The following PNLIPRP3 variants were observed in gnomAD, a reference collection of about 807,000 sequenced individuals.
PNLIPRP3 encodes pancreatic lipase-related protein 3.
PNLIPRP3 carries 58 observed loss-of-function variants against 52.8 expected under a neutral mutation model. The ratio of observed to expected loss-of-function variants is 1.10; its 90% CI spans 0.89 to 1.37. The LOEUF (loss-of-function observed/expected upper bound fraction) is 1.37, where lower values mean the gene tolerates loss of function less well. Ranked by LOEUF, PNLIPRP3 falls within the 40% of genes most tolerant of loss-of-function variation. The probability of loss-of-function intolerance (pLI) is 0.00; values close to 1 mark genes in which losing one functional copy is unlikely to be tolerated. For synonymous variants in PNLIPRP3, 192 were observed against 185.0 expected, an observed-to-expected ratio of 1.04 and a Z score of -0.31; for missense variants, 593 against 561.6, an observed-to-expected ratio of 1.06 and a Z score of -0.57.
chr10:116,469,201 G>A lies in PNLIPRP3; in HGVS notation c.944G>A (p.Cys315Tyr), dbSNP rs554228981. ...TSFKAGNCFF[C>Y]SKEGCPTMGH... ...TGTCATCAGGGAAATTGCTTCTTTTGTTCCAAAGAAGGTTGCCCAACAATG... is the reference window on the plus strand; with the variant it reads ...TGTCATCAGGGAAATTGCTTCTTTTATTCCAAAGAAGGTTGCCCAACAATG... Residue 315 changes from cysteine (C) to tyrosine (Y), a missense_variant, in exon 9 of 12, where the codon TGT becomes TAT. Coordinates refer to ENST00000369230, the MANE Select transcript of PNLIPRP3 (RefSeq NM_001011709.3). 1 of 1,610,476 alleles carries A rather than the reference G, an allele frequency of 6.2e-7. No individual in the cohort carries two copies. The highest frequency in any genetic ancestry group is 1.3e-5 in the African/African-American group (1 of 74,820).
chr10:116,433,164 C>T (rs1313223087), intron 1 of PNLIPRP3, among the ~76,000 whole-genome samples: 2 of 113,970 alleles, frequency 1.8e-5, no homozygotes, highest in Non-Finnish European at 3.7e-5. Context: ...AGTGAGGAAG[C>T]CTTTTCCAAA....
chr10:116,444,610 G>T (rs1845916763), intron 4 of PNLIPRP3, 97 bp downstream of exon 4: 1 of 1,208,182 alleles, frequency 8.3e-7, no homozygotes, highest in African/African-American at 1.5e-5. Flanking sequence ...TATTAGCTTA[G>T]ACAGGTACTG....
intron 5 of PNLIPRP3, among the ~76,000 whole-genome samples, chr10:116,458,247 G>A (rs571645137): frequency 3.3e-5 from 5 of 152,110 alleles, no homozygotes; most frequent in Middle Eastern, 3.4e-3. Flanking sequence ...TGACACACAC[G>A]TACCAAAATA....
chr10:116,439,692 A>G, intron 2 of PNLIPRP3: 1 of 768,450 alleles, frequency 1.3e-6, no homozygotes, highest in Non-Finnish European at 2.4e-6. Flanking sequence ...CGTCTCCAAT[A>G]GAGAAGCCAG....
intron 1 of PNLIPRP3, among the ~76,000 whole-genome samples, chr10:116,435,948 A>G (rs1323494083): frequency 2.6e-5 from 4 of 152,228 alleles, no homozygotes; most frequent in Admixed American, 6.5e-5. Flanking sequence ...TATATTTACT[A>G]CAAAATTATA....
In PNLIPRP3 at chr10:116,477,260, T is replaced by C. The variant is rs1189655260; in HGVS notation, c.*107T>C. On this transcript the variant is annotated 3_prime_UTR_variant, in exon 12 of 12. Transcript: ENST00000369230. ...TTGACCCTTGTAAATGACTTAGTCA[T>C]TTACAAGGGTCTTACTCAGAGTCAA... The C allele has an allele frequency of 1.2e-6, 1 of 839,742 alleles. No homozygotes were observed. Among genetic ancestry groups the C allele is most frequent in the Non-Finnish European group, 1.9e-6 (1 of 534,314 alleles). 52.0% of individuals were successfully genotyped at this position (839,742 alleles called of 1,614,324 possible).
At position 116,452,802 on chromosome 10, in the gene PNLIPRP3, T is replaced by G. The variant is rs148434711; in HGVS notation, c.457-2920T>G. Among the ~76,000 whole-genome samples the G allele has an allele frequency of 8.4e-3, 1,273 of 152,314 alleles. 23 individuals carry two copies. The highest frequency in any genetic ancestry group is 0.029 in the African/African-American group (1,216 of 41,560). ...CAGCTTCCACCTAGATTTCAGAGGA[T>G]GTATAGATAAGTCTGTGTGCCCAGG... On this transcript the variant is annotated intron_variant, in intron 4 of 11. Coordinates refer to ENST00000369230, the MANE Select transcript of PNLIPRP3 (RefSeq NM_001011709.3).
Position 116,469,259 on chromosome 10 carries a change from T to C in PNLIPRP3, c.1002T>C (p.Asn334=). The C allele has an allele frequency of 3.7e-6, 6 of 1,612,110 alleles. No individual in the cohort carries two copies. The highest frequency in any genetic ancestry group is 5.1e-6 in the Non-Finnish European group (6 of 1,179,172). The change falls in exon 9 of 12, where the codon AAT becomes AAC. Residue 334 remains asparagine, a synonymous_variant. Transcript: ENST00000369230. ...GHFADRFHFK[N]MKTNGSHYFL... ...TTGCTGATAGATTTCACTTCAAAAATATGAAGACTAATGGATCACATTATT... is the reference window on the plus strand; with the variant it reads ...TTGCTGATAGATTTCACTTCAAAAACATGAAGACTAATGGATCACATTATT...
At chr10:116,436,353 A>T (rs977450424) in intron 1 of PNLIPRP3, among the ~76,000 whole-genome samples, 1 of 152,232 alleles carries the variant, frequency 6.6e-6, no homozygotes, top group South Asian at 2.1e-4. Flanking sequence ...TTAACTTGGA[A>T]TAAAGACTTA....
At chr10:116,460,944 G>A (rs1846182320) in intron 5 of PNLIPRP3, 22 bp from the exon 6 acceptor site, 3 of 1,610,004 alleles carry the variant, frequency 1.9e-6, no homozygotes, top group Non-Finnish European at 2.5e-6. Context: ...CATAGAACAT[G>A]TCTTGGTTGT....
rs113138766 is a variant in PNLIPRP3 at position 116,434,150 on chromosome 10, A to G, written c.50-2561A>G. On this transcript the variant is annotated intron_variant, in intron 1 of 11. Transcript: ENST00000369230. ...AAACCAGACTGGGCATCATTTGGTAAAGAAGTACTCTTTCTCTCCTTTTGT... is the reference window on the plus strand; with the variant it reads ...AAACCAGACTGGGCATCATTTGGTAGAGAAGTACTCTTTCTCTCCTTTTGT... Among the ~76,000 whole-genome samples, 1,295 of 152,312 alleles carry G rather than the reference A, an allele frequency of 8.5e-3. 8 individuals are homozygous for G. Among genetic ancestry groups the G allele is most frequent in the Non-Finnish European group, 0.012 (842 of 68,022 alleles).
intron 10 of PNLIPRP3, among the ~76,000 whole-genome samples, chr10:116,474,010 G>C (rs927235321): frequency 6.7e-5 from 9 of 134,402 alleles, no homozygotes; most frequent in Non-Finnish European, 1.4e-4. Flanking sequence ...AAAGAACAAA[G>C]CTGGAGGCAT....
rs754945644 is a variant in PNLIPRP3 at position 116,469,241 on chromosome 10, T to C, written c.984T>C (p.Asp328=). 5.6e-6 allele frequency: 9 copies of C among 1,612,530 alleles called. No individual in the cohort carries two copies. The highest frequency in any genetic ancestry group is 4.5e-5 in the East Asian group (2 of 44,792). The change falls in exon 9 of 12, where the codon GAT becomes GAC. Residue 328 remains aspartate (D), a synonymous_variant. Coordinates refer to ENST00000369230, the MANE Select transcript of PNLIPRP3 (RefSeq NM_001011709.3). ...GCCCAACAATGGGTCATTTTGCTGATAGATTTCACTTCAAAAATATGAAGA... is the reference window on the plus strand; with the variant it reads ...GCCCAACAATGGGTCATTTTGCTGACAGATTTCACTTCAAAAATATGAAGA... ...EGCPTMGHFA[D]RFHFKNMKTN... is the part of the protein sequence containing the mutation.
At position 116,428,071 on chromosome 10, in the gene PNLIPRP3, A is replaced by G. The variant is rs753434927; in HGVS notation, c.49+10A>G. 2.5e-5 allele frequency: 40 copies of G among 1,573,784 alleles called. No individual in the cohort carries two copies. The highest frequency in any genetic ancestry group is 3.3e-5 in the Non-Finnish European group (38 of 1,146,044). Reference sequence around the variant, plus strand: ...TTTGGCACATCAAGAGGTAAGATTCATAATTTATAATAAGTTCTTTAAAAA... The same window carrying G: ...TTTGGCACATCAAGAGGTAAGATTCGTAATTTATAATAAGTTCTTTAAAAA... On this transcript the variant is annotated intron_variant, in intron 1 of 11. Transcript: ENST00000369230.
chr10:116,461,359 A>G, intron 7 of PNLIPRP3, 69 bp downstream of exon 7: 1 of 1,533,726 alleles, frequency 6.5e-7, no homozygotes, highest in Non-Finnish European at 8.9e-7. Flanking sequence ...GATGGGATCC[A>G]CCTACTTTTG....
rs570278839 is a variant in PNLIPRP3, at chr10:116,470,872, T to C, written c.1061-896T>C. On this transcript the variant is annotated intron_variant, in intron 9 of 11. Coordinates refer to ENST00000369230, the MANE Select transcript of PNLIPRP3 (RefSeq NM_001011709.3). ...TGTGTCTTCTTTTGTCTATTTCCTTTGTATTGTGGTCAAATGAGACAGGGC... is the reference window on the plus strand; with the variant it reads ...TGTGTCTTCTTTTGTCTATTTCCTTCGTATTGTGGTCAAATGAGACAGGGC... Among the ~76,000 whole-genome samples, 52 of 152,246 alleles carry C rather than the reference T, an allele frequency of 3.4e-4. 2 individuals carry two copies. In the South Asian group the frequency reaches 0.01, roughly 30 times the overall value.
chr10:116,466,228 C>A, intron 8 of PNLIPRP3, 60 bp downstream of exon 8: 1 of 1,268,458 alleles, frequency 7.9e-7, no homozygotes, highest in East Asian at 2.4e-5. Flanking sequence ...ACACAATCAT[C>A]CAGCTAAACA....
intron 2 of PNLIPRP3, among the ~76,000 whole-genome samples, chr10:116,441,468 G>A (rs985293578): frequency 1.3e-5 from 2 of 152,068 alleles, no homozygotes; most frequent in Non-Finnish European, 2.9e-5. Flanking sequence ...TGTTTGAGGC[G>A]CTCCAGCTGG....
At position 116,443,788 on chromosome 10, in the gene PNLIPRP3, T is replaced by G. The variant is rs1391394266; in HGVS notation, c.325-594T>G. Among the ~76,000 whole-genome samples, 10 of 11,214 alleles carry G rather than the reference T, an allele frequency of 8.9e-4. No individual in the cohort carries two copies. The Non-Finnish European group carries it at 9.8e-3, about 11-fold the overall frequency. The allele number at this position is 11,214 out of a possible 152,430, so 7.4% of individuals were successfully genotyped here. The stretch of plus-strand genomic sequence containing the variant: ...GTATGTGTGTGTGTGTGTGTGTGTA[T>G]GTATGTGTGTGTGCATATATATATA... On this transcript the variant is annotated intron_variant, in intron 3 of 11. Coordinates refer to ENST00000369230, the MANE Select transcript of PNLIPRP3 (RefSeq NM_001011709.3).
Sources: gnomAD v4.1 joint callset for allele counts (sites outside exome capture counted in the v4.1 genomes callset) on GRCh38, gnomAD v4.1.1 for gene constraint, MANE v1.5 for transcripts, NCBI Gene and HGNC (gene_info 2026-07-23, HGNC 2026-07-21) for gene names.